PCYT1B: variants seen among roughly 807,000 people sequenced by gnomAD.
PCYT1B encodes choline-phosphate cytidylyltransferase B.
PCYT1B carries 10 observed loss-of-function variants against 26.4 expected under a neutral mutation model. The ratio of observed to expected loss-of-function variants is 0.38; its 90% confidence interval spans 0.23 to 0.64. The LOEUF is 0.64. Among genes scored for constraint, PCYT1B ranks in the 30% least tolerant of loss-of-function variants. PCYT1B has a pLI of 0.56. For missense variants in PCYT1B, 161 were observed against 292.7 expected, an observed-to-expected ratio of 0.55 and a Z score of 3.28; for synonymous variants, 131 against 108.4, an observed-to-expected ratio of 1.21 and a Z score of -1.29.
chrX:24,592,686 G>A (rs1924608607), intron 3 of PCYT1B, among the ~76,000 whole-genome samples: 1 of 111,377 alleles, frequency 9.0e-6, no homozygotes. Context: ...CTCATTCAGA[G>A]TAAAACCAAA....
At position 24,579,349 on chromosome X, in the gene PCYT1B, A is replaced by G; in HGVS notation, c.675T>C (p.Tyr225=). The change falls in exon 6 of 8, where the codon TAT becomes TAC. Residue 225 remains tyrosine (Y), a synonymous_variant. Transcript: ENST00000379144. ...VYARRNLQRG[Y]TAKELNVSFI... ...AGCTGACATTCAGTTCCTTGGCTGT[A>G]TACCCTCTCTGGAGGTTACGTCGGG... 5 of 1,210,612 alleles carry G rather than the reference A, an allele frequency of 4.1e-6. No homozygotes were observed. The highest frequency in any genetic ancestry group is 4.5e-6 in the Non-Finnish European group (4 of 894,694).
intron 1 of PCYT1B, among the ~76,000 whole-genome samples, chrX:24,654,255 C>A (rs1332813060): frequency 9.5e-6 from 1 of 105,070 alleles, no homozygotes; most frequent in Non-Finnish European, 2.0e-5. Flanking sequence ...CAGGCATGCG[C>A]CACCACGCTC....
intron 7 of PCYT1B, among the ~76,000 whole-genome samples, chrX:24,564,587 C>T (rs1273503172): frequency 5.4e-5 from 6 of 110,346 alleles, no homozygotes; most frequent in Non-Finnish European, 7.6e-5. Flanking sequence ...CTCCTGACCT[C>T]GTGATCCGCC....
At position 24,560,506 on chromosome X, in the gene PCYT1B, GC is replaced by G. The variant is rs1157112736; in HGVS notation, c.*1786del. On this transcript the variant is annotated 3_prime_UTR_variant, in exon 8 of 8. Coordinates refer to ENST00000379144, the MANE Select transcript of PCYT1B (RefSeq NM_004845.5). ...TTCTTCACATGCCATGTTCCTGCCA[GC>G]CCTCTGTCCCATATGAGTGCTTCCC... is the stretch of plus-strand genomic sequence containing the variant. 1.8e-5 allele frequency: 2 copies of G among 112,229 alleles called. No individual in the cohort carries two copies. The highest frequency in any genetic ancestry group is 3.3e-5 in the African/African-American group (1 of 30,767). The allele number at this position is 112,229 out of a possible 1,213,427, so 9.2% of individuals were successfully genotyped here.
chrX:24,626,024 G>C (rs760849924), intron 1 of PCYT1B, among the ~76,000 whole-genome samples: 1 of 109,231 alleles, frequency 9.2e-6, no homozygotes, highest in Non-Finnish European at 1.9e-5. Context: ...TGAGGCAGGA[G>C]AATTGCTTGA....
At chrX:24,600,194 A>G (rs1924915243) in intron 3 of PCYT1B, among the ~76,000 whole-genome samples, 1 of 111,459 alleles carries the variant, frequency 9.0e-6, no homozygotes, top group South Asian at 3.8e-4. Context: ...GGCGGGAGCC[A>G]TTGCGCCTGG....
At chrX:24,589,907 T>C in intron 4 of PCYT1B, 116 bp downstream of exon 4, 6 of 600,013 alleles carry the variant, frequency 1.0e-5, no homozygotes, top group Non-Finnish European at 1.3e-5. Flanking sequence ...CACATGACAG[T>C]TCCTGAAGTT....
chrX:24,618,119 C>T (rs1213752507), intron 2 of PCYT1B, among the ~76,000 whole-genome samples: 2 of 111,247 alleles, frequency 1.8e-5, no homozygotes. Flanking sequence ...CAGATGGTAC[C>T]TTATAATTCT....
chrX:24,658,429 G>C (rs1926967992), intron 1 of PCYT1B, among the ~76,000 whole-genome samples: 2 of 109,946 alleles, frequency 1.8e-5, no homozygotes, highest in Non-Finnish European at 3.8e-5. Flanking sequence ...AGTCTGAAAT[G>C]GGTCTCAGTG....
chrX:24,597,814 C>A (rs1924835170), intron 3 of PCYT1B, among the ~76,000 whole-genome samples: 1 of 112,182 alleles, frequency 8.9e-6, no homozygotes, highest in Admixed American at 9.4e-5. Flanking sequence ...CTTCTCCCAA[C>A]TATTGTCAAA....
chrX:24,616,828 C>T (rs5944656), intron 2 of PCYT1B, among the ~76,000 whole-genome samples: 55,693 of 110,711 alleles, frequency 0.5, 10,384 homozygotes, highest in East Asian at 0.7. Flanking sequence ...GCAGCTCACA[C>T]GAAAGCTTCC....
chrX:24,670,174 T>A (rs1431541636), intron 1 of PCYT1B, among the ~76,000 whole-genome samples: 1 of 105,486 alleles, frequency 9.5e-6, no homozygotes, highest in African/African-American at 3.4e-5. Context: ...ATAAATAATA[T>A]CTACATCACA....
intron 1 of PCYT1B, among the ~76,000 whole-genome samples, chrX:24,630,477 G>A (rs765850465): frequency 8.1e-5 from 9 of 110,491 alleles, no homozygotes; most frequent in Admixed American, 2.9e-4. Flanking sequence ...TTGTATTTTT[G>A]CTAGAGATGG....
In PCYT1B at chrX:24,576,505, A is replaced by C. The variant is rs183513824; in HGVS notation, c.709-1187T>G. On this transcript the variant is annotated intron_variant, in intron 6 of 7. Coordinates refer to ENST00000379144, the MANE Select transcript of PCYT1B (RefSeq NM_004845.5). ...TTTTTAGTAGGGACGGGGTTTCACCATGTTGGCCAGGCTGGTCTTGAACTC... is the reference window on the plus strand; with the variant it reads ...TTTTTAGTAGGGACGGGGTTTCACCCTGTTGGCCAGGCTGGTCTTGAACTC... 2.5e-3 allele frequency among the ~76,000 whole-genome samples: 282 copies of C among 110,734 alleles called. 2 individuals carry two copies. Among genetic ancestry groups the C allele is most frequent in the African/African-American group, 8.9e-3 (270 of 30,484 alleles).
intron 7 of PCYT1B, among the ~76,000 whole-genome samples, chrX:24,562,795 T>C (rs534989623): frequency 9.2e-6 from 1 of 108,512 alleles, no homozygotes; most frequent in South Asian, 4.2e-4. Context: ...TGGCATGATC[T>C]TGGCTCACTG....
intron 3 of PCYT1B, among the ~76,000 whole-genome samples, chrX:24,594,024 A>G (rs1444103284): frequency 9.0e-6 from 1 of 111,601 alleles, no homozygotes; most frequent in Non-Finnish European, 1.9e-5. Flanking sequence ...TCACCCAAGG[A>G]GCTTGTTAAA....
intron 3 of PCYT1B, among the ~76,000 whole-genome samples, chrX:24,605,405 C>T (rs1215854092): frequency 1.8e-5 from 2 of 111,569 alleles, no homozygotes; most frequent in Non-Finnish European, 3.8e-5. Context: ...TCTTCCCTGA[C>T]CTTTATACCT....
chrX:24,612,835 G>GT (rs1925351137), intron 2 of PCYT1B, among the ~76,000 whole-genome samples: 1 of 111,986 alleles, frequency 8.9e-6, no homozygotes, highest in Non-Finnish European at 1.9e-5. Context: ...TATGTTAGGC[G>GT]TTTTTTGGTA....
chrX:24,647,506 T>A (rs922732880), upstream of PCYT1B, among the ~76,000 whole-genome samples: 2 of 111,642 alleles, frequency 1.8e-5, no homozygotes, highest in African/African-American at 3.3e-5. Flanking sequence ...TCTGTTTAAT[T>A]CAGTTGCAAA....
Sources: gnomAD v4.1 joint callset for allele counts (sites outside exome capture counted in the v4.1 genomes callset) on GRCh38, gnomAD v4.1.1 for gene constraint, MANE v1.5 for transcripts, NCBI Gene and HGNC (gene_info 2026-07-23, HGNC 2026-07-21) for gene names.